UBR4: variants seen among roughly 807,000 people sequenced by gnomAD.
The protein encoded by UBR4 is E3 ubiquitin-protein ligase UBR4.
UBR4 carries 124 observed loss-of-function variants against 575.6 expected under a neutral mutation model. That is an observed-to-expected ratio of 0.22 (90% confidence interval 0.19 to 0.25). UBR4 has a LOEUF of 0.25. Ranked by LOEUF, UBR4 falls within the 10% of genes least tolerant of loss-of-function variation. The pLI is 1.00. For missense variants in UBR4, 4,818 were observed against 6,478.8 expected (o/e 0.74, Z 8.80); for synonymous variants, 2,455 against 2,473.7 (o/e 0.99, Z 0.22).
intron 25 of UBR4, 95 bp from the exon 26 acceptor site, chr1:19,170,978 A>C: frequency 4.5e-6 from 7 of 1,548,020 alleles, no homozygotes; most frequent in Non-Finnish European, 6.2e-6. Flanking sequence ...CCTATATCTC[A>C]GTTTCCTATC....
At chr1:19,082,666 G>C (rs2076635680) in intron 102 of UBR4, among the ~76,000 whole-genome samples, 1 of 152,216 alleles carries the variant, frequency 6.6e-6, no homozygotes, top group African/African-American at 2.4e-5. Context: ...CAGGTCTATA[G>C]GTGGCACTGG....
rs192883040 is a variant in UBR4 at position 19,169,363 on chromosome 1, C to T, written c.3741+72G>A. On this transcript the variant is annotated intron_variant, in intron 27 of 105. Transcript: ENST00000375254. ...TTGGTAGCTAGTTTAAGCCTAATTC[C>T]TTTAGGCTTAAGAACAAAAGACAGA... 4.7e-5 allele frequency: 64 copies of T among 1,347,426 alleles called. No homozygotes were observed. The Admixed American group carries it at 1.2e-3, about 26-fold the overall frequency. 83.5% of individuals were successfully genotyped at this position (1,347,426 alleles called of 1,614,324 possible).
Position 19,152,614 on chromosome 1 carries a change from T to C in UBR4, c.6833-138A>G. 1 of 1,154,088 alleles carries C rather than the reference T, an allele frequency of 8.7e-7. No individual in the cohort carries two copies. Among genetic ancestry groups the C allele is most frequent in the Non-Finnish European group, 1.2e-6 (1 of 814,008 alleles). 71.5% of individuals were successfully genotyped at this position (1,154,088 alleles called of 1,614,324 possible). On this transcript the variant is annotated intron_variant, in intron 46 of 105. Coordinates refer to ENST00000375254, the MANE Select transcript of UBR4 (RefSeq NM_020765.3). This position sits in a 1 kb window ranked among gnomAD's most constrained non-coding sequence, Gnocchi z 4.4. ...CTGGATTATAACATTTGCATCGGCA[T>C]GATGCCTACATGTGGTTAGCTCTCC...
rs766071877 is a variant in UBR4 at position 19,210,112 on chromosome 1, A to C, written c.137T>G (p.Met46Arg). 16 of 1,584,568 alleles carry C rather than the reference A, an allele frequency of 1.0e-5. No individual in the cohort carries two copies. Among genetic ancestry groups the C allele is most frequent in the African/African-American group, 1.4e-5 (1 of 71,802 alleles). ...GGCCACCAGCTGCGGCAACTCCTTC[A>C]TCTCGAAGGCGGAGTAGGACGCGGA... ...LLSASYSAFE[M>R]KELPQLVASV... The change falls in exon 1 of 106, where the codon ATG (methionine) becomes AGG (arginine). Residue 46 changes from methionine (M) to arginine (R), a missense_variant. By Grantham distance (91) the Met-to-Arg change is moderately conservative. This residue lies in a region of UBR4 where 95 missense variants were observed against 87.7 expected (regional missense o/e 1.08). Coordinates refer to ENST00000375254, the MANE Select transcript of UBR4 (RefSeq NM_020765.3).
intron 87 of UBR4, among the ~76,000 whole-genome samples, chr1:19,103,135 C>T (rs895768540): frequency 1.8e-4 from 27 of 152,170 alleles, no homozygotes; most frequent in African/African-American, 6.3e-4. Flanking sequence ...AGTCAAAACT[C>T]ATAAAACACA....
In UBR4 at chr1:19,156,814, T is replaced by C. The variant is rs753403867; in HGVS notation, c.5872A>G (p.Thr1958Ala). Reference protein sequence around the residue: ...APVPFTVLSLTGNPCKEDYLA... With the variant: ...APVPFTVLSLAGNPCKEDYLA... ...TAGTCTTCCTTGCAGGGATTTCCTG[T>C]GAGGCTCAACACAGTAAAAGGAACT... The change falls in exon 41 of 106, where the codon ACA (threonine) becomes GCA (alanine). Residue 1958 changes from threonine to alanine, a missense_variant. Transcript: ENST00000375254. The C allele has an allele frequency of 6.2e-7, 1 of 1,614,156 alleles. No individual in the cohort carries two copies. Among genetic ancestry groups the C allele is most frequent in the Admixed American group, 1.7e-5 (1 of 60,022 alleles).
chr1:19,164,768 G>A lies in UBR4; in HGVS notation c.4511+31C>T, dbSNP rs754403579. 6.8e-6 allele frequency: 11 copies of A among 1,606,920 alleles called. No homozygotes were observed. In the South Asian group the frequency reaches 8.8e-5, roughly 13 times the overall value. On this transcript the variant is annotated intron_variant, in intron 32 of 105. Transcript: ENST00000375254. ...TATCAACGTGTTTCTGGGGTTGCTA[G>A]GGAAACACGACAGAAATGTAGTTGT...
rs751365431 is a variant in UBR4, at chr1:19,086,807, C to T, written c.14559G>A (p.Leu4853=). 1 of 1,614,154 alleles carries T rather than the reference C, an allele frequency of 6.2e-7. No individual in the cohort carries two copies. The highest frequency in any genetic ancestry group is 8.5e-7 in the Non-Finnish European group (1 of 1,180,008). ...EGYKFQPTKV[L]GIYTFTKRVA... is the part of the protein sequence containing the mutation. Reference sequence around the variant, plus strand: ...CCCGCTTCGTGAAGGTATAAATGCCCAGGACCTTTGTGGGCTGCAAAGACG... The same window carrying T: ...CCCGCTTCGTGAAGGTATAAATGCCTAGGACCTTTGTGGGCTGCAAAGACG... The change falls in exon 100 of 106, where the codon CTG becomes CTA. Residue 4853 remains leucine (L), a synonymous_variant. Coordinates refer to ENST00000375254, the MANE Select transcript of UBR4 (RefSeq NM_020765.3).
rs2075756353 is a variant in UBR4, at chr1:19,074,749, G to A, written c.*83C>T. On this transcript the variant is annotated 3_prime_UTR_variant, in exon 106 of 106. Coordinates refer to ENST00000375254, the MANE Select transcript of UBR4 (RefSeq NM_020765.3). ...GGGTAACAATGCAGCATCCCGCGGAGGGAACTTAATGCACAAGGAGGGAGA... is the reference window on the plus strand; with the variant it reads ...GGGTAACAATGCAGCATCCCGCGGAAGGAACTTAATGCACAAGGAGGGAGA... 1.3e-6 allele frequency: 2 copies of A among 1,496,504 alleles called. No homozygotes were observed. Among genetic ancestry groups the A allele is most frequent in the South Asian group, 1.2e-5 (1 of 85,374 alleles). 92.7% of individuals were successfully genotyped at this position (1,496,504 alleles called of 1,614,324 possible).
chr1:19,130,979 G>A (rs889760829), intron 60 of UBR4, among the ~76,000 whole-genome samples: 2 of 151,914 alleles, frequency 1.3e-5, no homozygotes, highest in Non-Finnish European at 2.9e-5. Context: ...CACAATCACA[G>A]CTCCGTGCAG....
At chr1:19,087,233 C>T (rs1312799011) in intron 99 of UBR4, among the ~76,000 whole-genome samples, 1 of 152,270 alleles carries the variant, frequency 6.6e-6, no homozygotes, top group Non-Finnish European at 1.5e-5. Context: ...GTGGCCCAGG[C>T]ACCTGCCCTT....
At chr1:19,085,413 T>C (rs1186949811) in intron 101 of UBR4, among the ~76,000 whole-genome samples, 1 of 152,174 alleles carries the variant, frequency 6.6e-6, no homozygotes, top group Non-Finnish European at 1.5e-5. Context: ...TTCCAGCTAC[T>C]TGGGAGGCTG....
rs534562605 is a variant in UBR4, at chr1:19,093,133, G to C, written c.14111+180C>G. Among the ~76,000 whole-genome samples, 4 of 152,184 alleles carry C rather than the reference G, an allele frequency of 2.6e-5. No individual in the cohort carries two copies. The highest frequency in any genetic ancestry group is 5.9e-5 in the Non-Finnish European group (4 of 68,042). On this transcript the variant is annotated intron_variant, in intron 96 of 105. Coordinates refer to ENST00000375254, the MANE Select transcript of UBR4 (RefSeq NM_020765.3). This position sits in a 1 kb window ranked among gnomAD's most constrained non-coding sequence, Gnocchi z 4.8. The stretch of plus-strand genomic sequence containing the variant: ...AACCAAAAAGTTGCCATCCTTTTCC[G>C]GCAAGCCCCGAGGACTCTGCAGTGG...
At chr1:19,201,940 C>G in intron 1 of UBR4, 125 bp from the exon 2 acceptor site, 3 of 774,690 alleles carry the variant, frequency 3.9e-6, no homozygotes, top group Non-Finnish European at 6.0e-6. Flanking sequence ...ACCTATTCCC[C>G]TTCAAGACTG....
intron 51 of UBR4, among the ~76,000 whole-genome samples, chr1:19,147,722 G>A (rs199655617): frequency 0.028 from 4,231 of 152,108 alleles, 155 homozygotes; most frequent in African/African-American, 0.08. Context: ...GGCTACCCAC[G>A]CTCAATATCC....
intron 58 of UBR4, among the ~76,000 whole-genome samples, chr1:19,140,074 T>C (rs1038762238): frequency 1.3e-5 from 2 of 151,978 alleles, no homozygotes; most frequent in African/African-American, 4.8e-5. Context: ...CTTTCTTAAC[T>C]ACCCAGGCTA....
chr1:19,184,211 G>A (rs563934166), intron 15 of UBR4, 36 bp from the exon 16 acceptor site: 3 of 1,600,608 alleles, frequency 1.9e-6, no homozygotes, highest in East Asian at 2.2e-5. Flanking sequence ...TCTTATCAGG[G>A]TCATAAGCCC....
intron 97 of UBR4, among the ~76,000 whole-genome samples, chr1:19,091,299 TGAG>T (rs1341154899): frequency 6.6e-6 from 1 of 152,166 alleles, no homozygotes; most frequent in Non-Finnish European, 1.5e-5. Flanking sequence ...ATGACTCCAC[TGAG>T]TTGAACAGAA....
At chr1:19,186,758 G>A in intron 13 of UBR4, 101 bp from the exon 14 acceptor site, 3 of 1,118,988 alleles carry the variant, frequency 2.7e-6, no homozygotes, top group South Asian at 3.0e-5. Context: ...CTAAATCCAA[G>A]AGTATGCCTC....
Sources: allele counts gnomAD v4.1 joint callset (sites outside exome capture counted in the v4.1 genomes callset), GRCh38; gene constraint gnomAD v4.1.1; regional missense constraint gnomAD v4.1.1; non-coding constraint Gnocchi (gnomAD v3.1); transcripts MANE v1.5; gene names NCBI Gene and HGNC (gene_info 2026-07-23, HGNC 2026-07-21).